ADGRD1: variants seen among roughly 807,000 people sequenced by gnomAD.
ADGRD1 encodes the protein G-protein coupled receptor 133.
Under a neutral mutation model 113.4 loss-of-function variants are expected in ADGRD1, and 77 were observed. The ratio of observed to expected loss-of-function variants is 0.68; its 90% CI spans 0.57 to 0.82. The LOEUF (loss-of-function observed/expected upper bound fraction) is 0.82. Ranked by LOEUF, ADGRD1 falls within the 40% of genes least tolerant of loss-of-function variation. The pLI, the probability that ADGRD1 is intolerant of heterozygous loss-of-function variation, is 0.00. For synonymous variants in ADGRD1, 474 were observed against 475.0 expected, an observed-to-expected ratio of 1.00 and a Z score of 0.03; for missense variants, 1,036 against 1,139.1, an observed-to-expected ratio of 0.91 and a Z score of 1.30.
At chr12:131,137,739 C>T (rs1353430620) in intron 23 of ADGRD1, 5 of 277,930 alleles carry the variant, frequency 1.8e-5, no homozygotes, top group Admixed American at 1.3e-4. Flanking sequence ...ACCCCTTGAT[C>T]GCAACGCCCA....
intron 3 of ADGRD1, chr12:130,968,723 G>A (rs908748123): frequency 4.4e-5 from 22 of 496,988 alleles, no homozygotes; most frequent in Non-Finnish European, 6.4e-5. Context: ...TAGAACTATC[G>A]CTTGCGGCCA....
chr12:131,064,171 TC>T (rs1227902290), intron 13 of ADGRD1, among the ~76,000 whole-genome samples: 1 of 152,230 alleles, frequency 6.6e-6, no homozygotes, highest in Non-Finnish European at 1.5e-5. Flanking sequence ...TGCTTTTTCT[TC>T]CTTTCTGTGC....
intron 20 of ADGRD1, among the ~76,000 whole-genome samples, chr12:131,126,315 C>G (rs1237695204): frequency 6.6e-6 from 1 of 152,196 alleles, no homozygotes; most frequent in African/African-American, 2.4e-5. Context: ...TTTCCGACTT[C>G]TGCTATGGGA....
intron 14 of ADGRD1, among the ~76,000 whole-genome samples, chr12:131,083,524 G>A (rs1453562645): frequency 2.0e-5 from 3 of 152,168 alleles, no homozygotes; most frequent in East Asian, 1.9e-4. Flanking sequence ...GGAGGATCAC[G>A]TGAGCGCAGG....
At chr12:131,081,554 A>T in intron 14 of ADGRD1, among the ~76,000 whole-genome samples, 1 of 152,158 alleles carries the variant, frequency 6.6e-6, no homozygotes, top group Non-Finnish European at 1.5e-5. Flanking sequence ...ATTCTAAGAC[A>T]TTGTAACAAT....
intron 5 of ADGRD1, among the ~76,000 whole-genome samples, chr12:130,983,897 C>A (rs1035193492): frequency 7.9e-5 from 12 of 152,090 alleles, no homozygotes; most frequent in African/African-American, 2.2e-4. Context: ...CAAAGGGAAC[C>A]TTTGTGGGGG....
rs1164497538 is a variant in ADGRD1, at chr12:131,020,489, G to A, written c.1473+6149G>A. Among the ~76,000 whole-genome samples the A allele has an allele frequency of 1.2e-4, 18 of 152,358 alleles. No homozygotes were observed. In the East Asian group the frequency reaches 3.5e-3, roughly 29 times the overall value. ...GAGGTTTGGTTCCCCAGGCTCACAC[G>A]CAGTGGGGCACTGGTGATCTGAGGA... On this transcript the variant is annotated intron_variant, in intron 13 of 24. Transcript: ENST00000261654.
At chr12:130,991,994 G>A (rs1370521975) in intron 7 of ADGRD1, among the ~76,000 whole-genome samples, 2 of 151,898 alleles carry the variant, frequency 1.3e-5, no homozygotes, top group African/African-American at 2.4e-5. Context: ...GGTGGTGCAC[G>A]CCTGTAGTCT....
chr12:130,997,189 C>CA (rs1555241584), intron 8 of ADGRD1, among the ~76,000 whole-genome samples: 1 of 36,606 alleles, frequency 2.7e-5, no homozygotes, highest in Non-Finnish European at 6.2e-5. Context: ...GGGGGGCTGA[C>CA]CCCCCCCCCC....
At chr12:131,099,935 GATGGTGGGGTTGGTTC>G (rs1417129293) in intron 15 of ADGRD1, among the ~76,000 whole-genome samples, 4 of 152,190 alleles carry the variant, frequency 2.6e-5, no homozygotes. Flanking sequence ...AGACTTGATT[GATGGTGGGGTTGGTTC>G]ATGGTGGGGT....
rs1249844240 is a variant in ADGRD1, at chr12:131,004,393, C to T, written c.1255+97C>T. ...GCTGGGTGCCCACCGCGCCAGGGAG[C>T]TGCGGTGCTCCCCCGGGCCGCCTGC... On this transcript the variant is annotated intron_variant, in intron 11 of 24. Coordinates refer to ENST00000261654, the MANE Select transcript of ADGRD1 (RefSeq NM_198827.5). The T allele has an allele frequency of 8.3e-6, 7 of 845,036 alleles. No individual in the cohort carries two copies. In the South Asian group the frequency reaches 1.0e-4, roughly 12 times the overall value. The allele number at this position is 845,036 out of a possible 1,614,324, so 52.3% of individuals were successfully genotyped here.
At chr12:131,059,006 G>A (rs544633646) in intron 13 of ADGRD1, among the ~76,000 whole-genome samples, 3 of 151,976 alleles carry the variant, frequency 2.0e-5, no homozygotes. Flanking sequence ...TATATCTTTC[G>A]TTGTTGTCCC....
rs757430952 is a variant in ADGRD1 at position 131,076,853 on chromosome 12, A to G, written c.1526A>G (p.Tyr509Cys). The change falls in exon 14 of 25, where the codon TAC (tyrosine) becomes TGC (cysteine). Residue 509 changes from tyrosine to cysteine, a missense_variant. Tyr to Cys is a radical substitution (Grantham distance 194). Transcript: ENST00000261654. ...ATNSSNRVFV[Y>C]CAFLDFSSGE... Reference sequence around the variant, plus strand: ...AACAGCAGCAACCGAGTCTTCGTGTACTGCGCCTTCCTGGACTTCAGGTAC... The same window carrying G: ...AACAGCAGCAACCGAGTCTTCGTGTGCTGCGCCTTCCTGGACTTCAGGTAC... 6.2e-7 allele frequency: 1 copy of G among 1,614,120 alleles called. No homozygotes were observed. The highest frequency in any genetic ancestry group is 1.1e-5 in the South Asian group (1 of 91,084).
Position 131,057,606 on chromosome 12 carries a change from C to T in ADGRD1, c.1474-19195C>T, listed in dbSNP as rs561412148. 9.8e-4 allele frequency among the ~76,000 whole-genome samples: 150 copies of T among 152,336 alleles called. No homozygotes were observed. The highest frequency in any genetic ancestry group is 3.5e-3 in the African/African-American group (145 of 41,580). ...CTCTGCCCCGTCTCCCCACGGCCTC[C>T]TCTTCCGTGTGTCATTGTCCTTTCC... On this transcript the variant is annotated intron_variant, in intron 13 of 24. Transcript: ENST00000261654. The surrounding 1 kb of genome is among the most constrained non-coding windows in gnomAD (Gnocchi z 4.2).
intron 4 of ADGRD1, among the ~76,000 whole-genome samples, chr12:130,980,259 C>T (rs1255076300): frequency 2.6e-5 from 4 of 151,842 alleles, no homozygotes; most frequent in Admixed American, 6.6e-5. Flanking sequence ...CACCTGCCAC[C>T]ACGCCTGGCT....
intron 13 of ADGRD1, among the ~76,000 whole-genome samples, chr12:131,029,814 G>A (rs201066721): frequency 2.2e-5 from 2 of 91,348 alleles, no homozygotes; most frequent in Non-Finnish European, 4.6e-5. Context: ...CCCTCTTAAC[G>A]GTGACATTCC....
chr12:131,132,524 C>T (rs543425481), intron 21 of ADGRD1, among the ~76,000 whole-genome samples: 1 of 96,050 alleles, frequency 1.0e-5, no homozygotes, highest in East Asian at 2.5e-4. Flanking sequence ...TTGGCAGTTG[C>T]AGCACCGGGC....
At chr12:131,130,634 G>T (rs189979631) in intron 20 of ADGRD1, among the ~76,000 whole-genome samples, 2 of 152,230 alleles carry the variant, frequency 1.3e-5, no homozygotes, top group South Asian at 4.1e-4. Context: ...AGGGTGAGGC[G>T]GGCTCAGCAG....
At chr12:131,024,635 G>T (rs1879738703) in intron 13 of ADGRD1, 1 of 152,248 alleles carries the variant, frequency 6.6e-6, no homozygotes, top group South Asian at 2.1e-4. Flanking sequence ...GGAGCAATAG[G>T]CTACTCCATA....
Sources: allele counts gnomAD v4.1 joint callset (sites outside exome capture counted in the v4.1 genomes callset), GRCh38; gene constraint gnomAD v4.1.1; non-coding constraint Gnocchi (gnomAD v3.1); transcripts MANE v1.5; gene names NCBI Gene and HGNC (gene_info 2026-07-23, HGNC 2026-07-21).